Variants in USP7 observed in about 807,000 individuals in gnomAD.
The protein encoded by USP7 is ubiquitin specific peptidase 7.
A neutral mutation model predicts 162.9 loss-of-function variants in USP7; 9 were observed. The observed-to-expected ratio is 0.06, with a 90% CI of 0.03 to 0.10. The LOEUF (loss-of-function observed/expected upper bound fraction) is 0.10, where lower values mean the gene tolerates loss of function less well. Among genes scored for constraint, USP7 ranks in the 10% least tolerant of loss-of-function variants. The pLI is 1.00. For synonymous variants in USP7, 562 were observed against 475.9 expected, an observed-to-expected ratio of 1.18 and a Z score of -2.35; for missense variants, 715 against 1,373.7, an observed-to-expected ratio of 0.52 and a Z score of 7.58.
Position 8,892,130 on chromosome 16 carries a change from G to C in USP7, c.*1868C>G, listed in dbSNP as rs1203508880. 6.6e-6 allele frequency: 1 copy of C among 152,212 alleles called. No homozygotes were observed. The highest frequency in any genetic ancestry group is 1.5e-5 in the Non-Finnish European group (1 of 68,044). 9.4% of individuals were successfully genotyped at this position (152,212 alleles called of 1,614,324 possible). On this transcript the variant is annotated 3_prime_UTR_variant, in exon 31 of 31. Transcript: ENST00000344836. ...AAGAGTCATTTAATACCTTAAGGGAGAGTAGGAACTTTCAGTTACCTAAGA... is the reference window on the plus strand; with the variant it reads ...AAGAGTCATTTAATACCTTAAGGGACAGTAGGAACTTTCAGTTACCTAAGA...
At chr16:8,897,709 A>AG (rs2061705508) in intron 25 of USP7, among the ~76,000 whole-genome samples, 1 of 39,570 alleles carries the variant, frequency 2.5e-5, no homozygotes, top group African/African-American at 8.1e-5. Context: ...AAAAAAAAAA[A>AG]AAAAAAAAAA....
intron 21 of USP7, 200 bp from the exon 22 acceptor site, chr16:8,899,957 CAGG>C: frequency 1.5e-6 from 1 of 649,972 alleles, no homozygotes; most frequent in Non-Finnish European, 2.7e-6. Flanking sequence ...TGCACTGAGC[CAGG>C]CGCAATGTAG....
chr16:8,960,548 C>G (rs923434461), intron 1 of USP7, among the ~76,000 whole-genome samples: 2 of 152,196 alleles, frequency 1.3e-5, no homozygotes, highest in Non-Finnish European at 2.9e-5. Flanking sequence ...GAGGTGCAGG[C>G]AGGATGCTCC....
intron 21 of USP7, 131 bp from the exon 22 acceptor site, chr16:8,899,888 T>TGA: frequency 8.8e-7 from 1 of 1,133,430 alleles, no homozygotes; most frequent in African/African-American, 1.5e-5. Context: ...GGTTCCCCTT[T>TGA]GAGGGGGCCA....
intron 1 of USP7, among the ~76,000 whole-genome samples, chr16:8,959,517 AGAG>A (rs1899927748): frequency 6.6e-6 from 1 of 152,224 alleles, no homozygotes; most frequent in Non-Finnish European, 1.5e-5. Flanking sequence ...TGCTCACATC[AGAG>A]TGAGATGCTA....
In USP7 at chr16:8,917,174, T is replaced by C. The variant is rs775936720; in HGVS notation, c.721-18A>G. 5.7e-6 allele frequency: 9 copies of C among 1,577,712 alleles called. No individual in the cohort carries two copies. The highest frequency in any genetic ancestry group is 1.7e-4 in the Middle Eastern group (1 of 5,730). ...TACACAGCCTGAAACAATTAAGAAATAAGAATTTTTACTCTGAGAAGATGC... is the reference window on the plus strand; with the variant it reads ...TACACAGCCTGAAACAATTAAGAAACAAGAATTTTTACTCTGAGAAGATGC... On this transcript the variant is annotated intron_variant, in intron 6 of 30. Coordinates refer to ENST00000344836, the MANE Select transcript of USP7 (RefSeq NM_003470.3).
chr16:8,932,369 C>T (rs1465536175), intron 1 of USP7, among the ~76,000 whole-genome samples: 3 of 152,082 alleles, frequency 2.0e-5, no homozygotes, highest in Non-Finnish European at 4.4e-5. Context: ...AGTTTGAGAC[C>T]AGCCAGGGAA....
chr16:8,929,740 A>G (rs1302284302), intron 2 of USP7, among the ~76,000 whole-genome samples: 1 of 152,166 alleles, frequency 6.6e-6, no homozygotes, highest in Non-Finnish European at 1.5e-5. Flanking sequence ...AAAAAAACTG[A>G]TTTCCTACAC....
intron 26 of USP7, among the ~76,000 whole-genome samples, chr16:8,896,284 T>G (rs540885893): frequency 6.6e-6 from 1 of 152,204 alleles, no homozygotes; most frequent in Admixed American, 6.5e-5. Context: ...GGCACAGAGA[T>G]GTACAGACTG....
At position 8,895,599 on chromosome 16, in the gene USP7, C is replaced by G. The variant is rs1006360675; in HGVS notation, c.2919+43G>C. ...ATATTTAAATATGCAGCAGATGGGG[C>G]TCATGAATTCTCTCTGGTGCCAACA... On this transcript the variant is annotated intron_variant, in intron 27 of 30. Coordinates refer to ENST00000344836, the MANE Select transcript of USP7 (RefSeq NM_003470.3). 8 of 1,469,036 alleles carry G rather than the reference C, an allele frequency of 5.4e-6. No homozygotes were observed. The Admixed American group carries it at 7.1e-5, about 13-fold the overall frequency. 91.0% of individuals were successfully genotyped at this position (1,469,036 alleles called of 1,614,324 possible).
At chr16:8,925,061 T>A (rs1897915913) in intron 2 of USP7, among the ~76,000 whole-genome samples, 1 of 152,234 alleles carries the variant, frequency 6.6e-6, no homozygotes, top group Non-Finnish European at 1.5e-5. Context: ...TTTTGCCATG[T>A]GCTTTTAGGA....
intron 10 of USP7, among the ~76,000 whole-genome samples, chr16:8,911,424 G>C (rs2061944552): frequency 6.6e-6 from 1 of 152,214 alleles, no homozygotes; most frequent in South Asian, 2.1e-4. Flanking sequence ...GAAAGGGCGA[G>C]CCACATGCTG....
chr16:8,958,690 C>G (rs541097495), intron 1 of USP7, among the ~76,000 whole-genome samples: 16 of 152,204 alleles, frequency 1.1e-4, no homozygotes, highest in African/African-American at 3.9e-4. Context: ...TAGTGTTCCA[C>G]TTCCCCACAC....
intron 1 of USP7, chr16:8,936,833 G>A (rs1033638086): frequency 2.9e-6 from 3 of 1,043,680 alleles, no homozygotes; most frequent in Non-Finnish European, 2.4e-6. Flanking sequence ...TGGAAAAACT[G>A]GTGAAACTCT....
At chr16:8,912,820 A>T (rs960470956) in intron 10 of USP7, among the ~76,000 whole-genome samples, 15 of 152,000 alleles carry the variant, frequency 9.9e-5, no homozygotes, top group Admixed American at 2.0e-4. Flanking sequence ...ATTTTCATTT[A>T]AAAAAAATCC....
intron 2 of USP7, 98 bp downstream of exon 2, chr16:8,930,195 G>T: frequency 1.1e-6 from 1 of 875,728 alleles, no homozygotes. Context: ...ACGCTCAGAA[G>T]TACCCAAGGA....
chr16:8,910,527 A>C (rs930287289), intron 11 of USP7, among the ~76,000 whole-genome samples: 4 of 152,162 alleles, frequency 2.6e-5, no homozygotes, highest in Non-Finnish European at 5.9e-5. Context: ...GACCCTCCGG[A>C]CTGCTGGATG....
chr16:8,905,012 G>A (rs773940975), intron 14 of USP7, among the ~76,000 whole-genome samples, 175 bp downstream of exon 14: 3 of 152,172 alleles, frequency 2.0e-5, no homozygotes, highest in Admixed American at 6.5e-5. Flanking sequence ...AAATTACTTG[G>A]TACCATAAGT....
chr16:8,934,950 T>C (rs967847804), intron 1 of USP7, among the ~76,000 whole-genome samples: 1 of 152,064 alleles, frequency 6.6e-6, no homozygotes, highest in Admixed American at 6.6e-5. Context: ...ACATGGTAAA[T>C]CCCTAGTCCA....
Sources: allele counts gnomAD v4.1 joint callset (sites outside exome capture counted in the v4.1 genomes callset), GRCh38; gene constraint gnomAD v4.1.1; transcripts MANE v1.5; gene names NCBI Gene and HGNC (gene_info 2026-07-23, HGNC 2026-07-21).